Variants in CNTNAP4 observed in about 807,000 individuals in gnomAD.
CNTNAP4 encodes contactin-associated protein-like 4.
CNTNAP4 carries 98 observed loss-of-function variants against 148.4 expected under a neutral mutation model. The ratio of observed to expected loss-of-function variants is 0.66; its 90% CI spans 0.56 to 0.78. The LOEUF is 0.78. Among genes scored for constraint, CNTNAP4 ranks in the 30% least tolerant of loss-of-function variants. The pLI is 0.00. For missense variants in CNTNAP4, 1,935 were observed against 1,565.6 expected (o/e 1.24, Z -3.98); for synonymous variants, 730 against 565.1 (o/e 1.29, Z -4.14).
intron 2 of CNTNAP4, among the ~76,000 whole-genome samples, chr16:76,350,172 G>A (rs1305386104): frequency 3.3e-5 from 5 of 151,952 alleles, no homozygotes; most frequent in Non-Finnish European, 7.4e-5. Context: ...ACTACTATGA[G>A]TCAAAGATAG....
intron 21 of CNTNAP4, among the ~76,000 whole-genome samples, chr16:76,549,090 C>A (rs1316909607): frequency 2.0e-5 from 3 of 151,968 alleles, no homozygotes; most frequent in African/African-American, 7.3e-5. Flanking sequence ...TGGAGGGAAC[C>A]AGTGAGGAGG....
intron 3 of CNTNAP4, among the ~76,000 whole-genome samples, chr16:76,418,120 G>C (rs928341516): frequency 5.9e-5 from 9 of 151,458 alleles, no homozygotes; most frequent in Non-Finnish European, 1.3e-4. Context: ...TTTATTCTCT[G>C]AGTTTCCTGG....
intron 3 of CNTNAP4, among the ~76,000 whole-genome samples, chr16:76,393,285 C>G (rs938918472): frequency 4.6e-5 from 7 of 152,166 alleles, no homozygotes; most frequent in Non-Finnish European, 1.0e-4. Flanking sequence ...TAGTGAAATT[C>G]AGATGTGGCA....
At chr16:76,517,711 C>G (rs1462865327) in intron 15 of CNTNAP4, among the ~76,000 whole-genome samples, 2 of 152,048 alleles carry the variant, frequency 1.3e-5, no homozygotes, top group East Asian at 3.9e-4. Flanking sequence ...ATAAAGTGTG[C>G]TATTGAATGG....
intron 1 of CNTNAP4, among the ~76,000 whole-genome samples, chr16:76,291,576 C>T (rs751289161): frequency 2.0e-5 from 3 of 152,270 alleles, no homozygotes; most frequent in Middle Eastern, 6.8e-3. Flanking sequence ...CTGTGTGTTT[C>T]TCATATCCCC....
chr16:76,362,795 AG>A (rs1214659850), intron 3 of CNTNAP4, among the ~76,000 whole-genome samples: 2 of 152,176 alleles, frequency 1.3e-5, no homozygotes, highest in African/African-American at 4.8e-5. Context: ...ACTACCTGTG[AG>A]GTACTATGCT....
chr16:76,384,915 A>C (rs1184507033), intron 3 of CNTNAP4, among the ~76,000 whole-genome samples: 4 of 152,216 alleles, frequency 2.6e-5, no homozygotes, highest in African/African-American at 9.6e-5. Context: ...TACATGAGCC[A>C]AATGTGAAGT....
intron 3 of CNTNAP4, among the ~76,000 whole-genome samples, chr16:76,398,940 G>C (rs75710549): frequency 0.031 from 4,714 of 152,098 alleles, 226 homozygotes; most frequent in African/African-American, 0.11. Context: ...GTGTCAAGGG[G>C]GGGTCCAGGT....
chr16:76,437,885 A>G (rs2145123384), intron 4 of CNTNAP4, among the ~76,000 whole-genome samples: 1 of 152,302 alleles, frequency 6.6e-6, no homozygotes, highest in South Asian at 2.1e-4. Context: ...GTTTTTCAGT[A>G]TCAGTCATGG....
At chr16:76,297,003 A>C in intron 1 of CNTNAP4, among the ~76,000 whole-genome samples, 1 of 152,152 alleles carries the variant, frequency 6.6e-6, no homozygotes, top group East Asian at 1.9e-4. Context: ...ATGAAGAAAA[A>C]CCCAGAAGGT....
intron 8 of CNTNAP4, among the ~76,000 whole-genome samples, chr16:76,459,875 G>A (rs1044084356): frequency 1.3e-5 from 2 of 152,136 alleles, no homozygotes. Context: ...TCTGTAAGAG[G>A]AAAAGTCTAT....
At chr16:76,524,944 G>A (rs1356805211) in intron 17 of CNTNAP4, among the ~76,000 whole-genome samples, 1 of 151,842 alleles carries the variant, frequency 6.6e-6, no homozygotes, top group Non-Finnish European at 1.5e-5. Flanking sequence ...ATTTAGTGTG[G>A]TGATACTAAG....
intron 2 of CNTNAP4, among the ~76,000 whole-genome samples, chr16:76,349,964 C>T (rs965117143): frequency 4.6e-5 from 7 of 151,976 alleles, no homozygotes; most frequent in Non-Finnish European, 7.4e-5. Context: ...TTTTAAAGCT[C>T]CAACTAAGAG....
intron 4 of CNTNAP4, among the ~76,000 whole-genome samples, chr16:76,445,998 T>G (rs2080226972): frequency 6.6e-6 from 1 of 152,176 alleles, no homozygotes; most frequent in South Asian, 2.1e-4. Flanking sequence ...GGAAGGATTG[T>G]TAGGCTAACA....
intron 1 of CNTNAP4, among the ~76,000 whole-genome samples, chr16:76,288,324 C>A (rs774069125): frequency 2.0e-5 from 3 of 152,128 alleles, no homozygotes; most frequent in Non-Finnish European, 4.4e-5. Context: ...GTAAATTACT[C>A]AGTCTCAGGT....
At chr16:76,281,195 C>T (rs558648680) in intron 1 of CNTNAP4, among the ~76,000 whole-genome samples, 91 of 152,150 alleles carry the variant, frequency 6.0e-4, no homozygotes, top group Admixed American at 2.8e-3. Flanking sequence ...TAAAACTCAA[C>T]CTTGTAATTC....
chr16:76,350,746 A>G (rs1296546458), intron 2 of CNTNAP4, among the ~76,000 whole-genome samples: 1 of 152,216 alleles, frequency 6.6e-6, no homozygotes, highest in Non-Finnish European at 1.5e-5. Flanking sequence ...TATGCTTTTA[A>G]AATTTAATTC....
chr16:76,527,661 A>C (rs1185180899), intron 17 of CNTNAP4, among the ~76,000 whole-genome samples: 1 of 152,242 alleles, frequency 6.6e-6, no homozygotes, highest in Non-Finnish European at 1.5e-5. Flanking sequence ...AAACAAGTTT[A>C]GAGATTAAAC....
At chr16:76,418,341 C>T (rs112597186) in intron 3 of CNTNAP4, among the ~76,000 whole-genome samples, 48,921 of 143,706 alleles carry the variant, frequency 0.34, 9,733 homozygotes, top group Non-Finnish European at 0.44. Flanking sequence ...TCTATTACAG[C>T]TTTTTTTTTC....
Sources: gnomAD v4.1 joint callset for allele counts (sites outside exome capture counted in the v4.1 genomes callset) on GRCh38, gnomAD v4.1.1 for gene constraint, MANE v1.5 for transcripts, NCBI Gene and HGNC (gene_info 2026-07-23, HGNC 2026-07-21) for gene names.